Variants in MAGI2 observed in about 807,000 individuals in gnomAD.
MAGI2 encodes the protein membrane-associated guanylate kinase, WW and PDZ domain-containing protein 2.
A neutral mutation model predicts 133.3 loss-of-function variants in MAGI2; 35 were observed. The observed-to-expected ratio is 0.26, with a 90% CI of 0.20 to 0.35. The LOEUF is 0.35. Ranked by LOEUF, MAGI2 falls within the 10% of genes least tolerant of loss-of-function variation. The pLI is 1.00. For synonymous variants in MAGI2, 729 were observed against 710.6 expected, an observed-to-expected ratio of 1.03 and a Z score of -0.41; for missense variants, 1,636 against 1,863.4, an observed-to-expected ratio of 0.88 and a Z score of 2.25.
At chr7:79,274,833 T>C (rs1441733042) in intron 1 of MAGI2, among the ~76,000 whole-genome samples, 2 of 152,138 alleles carry the variant, frequency 1.3e-5, no homozygotes, top group Non-Finnish European at 1.5e-5. Flanking sequence ...TTCAAACTTT[T>C]TTGTTATTAT....
At chr7:78,225,944 A>G (rs1440882299) in intron 10 of MAGI2, among the ~76,000 whole-genome samples, 1 of 152,216 alleles carries the variant, frequency 6.6e-6, no homozygotes, top group African/African-American at 2.4e-5. Context: ...CATGATAGAT[A>G]AGTCTAAGAC....
chr7:78,882,095 A>AAAAAAAAAAAAAAAAAAAAAAAAAAAAAG (rs1795908006), intron 2 of MAGI2, among the ~76,000 whole-genome samples: 1 of 123,120 alleles, frequency 8.1e-6, no homozygotes, highest in African/African-American at 2.8e-5. Flanking sequence ...ACAAAAAAAA[A>AAAAAAAAAAAAAAAAAAAAAAAAAAAAAG]AAAAAAAAAA....
chr7:79,381,376 TGCTATAGG>T (rs1843766033), intron 1 of MAGI2, among the ~76,000 whole-genome samples: 1 of 151,790 alleles, frequency 6.6e-6, no homozygotes, highest in South Asian at 2.1e-4. Context: ...TCAGTTCATA[TGCTATAGG>T]TTTTGCTATA....
intron 1 of MAGI2, among the ~76,000 whole-genome samples, chr7:79,297,209 T>C (rs900632285): frequency 6.6e-6 from 1 of 152,234 alleles, no homozygotes; most frequent in African/African-American, 2.4e-5. Flanking sequence ...AATTGAAAGA[T>C]GCATCCCAAT....
At chr7:78,826,293 G>A (rs966661112) in intron 2 of MAGI2, among the ~76,000 whole-genome samples, 10 of 149,506 alleles carry the variant, frequency 6.7e-5, no homozygotes, top group African/African-American at 2.2e-4. Flanking sequence ...GGCGGAGCTT[G>A]CAGTAAGCCG....
chr7:78,161,248 G>T (rs1018055240), intron 15 of MAGI2, among the ~76,000 whole-genome samples: 1 of 152,158 alleles, frequency 6.6e-6, no homozygotes, highest in Non-Finnish European at 1.5e-5. Context: ...GCAGCCAAAA[G>T]AAGCTAGTTT....
intron 6 of MAGI2, among the ~76,000 whole-genome samples, chr7:78,444,336 T>C (rs114981109): frequency 0.019 from 2,950 of 152,160 alleles, 92 homozygotes; most frequent in African/African-American, 0.067. Context: ...GAAAAAAGAC[T>C]TCCAATCTTA....
chr7:78,415,354 T>C (rs914819600), intron 6 of MAGI2, among the ~76,000 whole-genome samples: 7 of 151,956 alleles, frequency 4.6e-5, no homozygotes, highest in Non-Finnish European at 2.9e-5. Context: ...GTCTCCAAAA[T>C]TGGGTAGTGT....
chr7:78,665,321 A>T lies in MAGI2; in HGVS notation c.419-38082T>A, dbSNP rs1295529788. ...ATATGGAATGTGTTACAAATAGCTA[A>T]CATATACATATAGGATAGTTACTCT... On this transcript the variant is annotated intron_variant, in intron 2 of 21. Transcript: ENST00000354212. Among the ~76,000 whole-genome samples, 5 of 152,324 alleles carry T rather than the reference A, an allele frequency of 3.3e-5. No individual in the cohort carries two copies. In the East Asian group the frequency reaches 9.6e-4, roughly 29 times the overall value.
chr7:78,909,720 G>T (rs1798265967), intron 2 of MAGI2, among the ~76,000 whole-genome samples: 1 of 151,738 alleles, frequency 6.6e-6, no homozygotes, highest in Non-Finnish European at 1.5e-5. Context: ...CATTGTGGAA[G>T]ACAGTGTGAT....
At chr7:79,294,760 C>T (rs1452868977) in intron 1 of MAGI2, among the ~76,000 whole-genome samples, 6 of 110,564 alleles carry the variant, frequency 5.4e-5, no homozygotes, top group African/African-American at 2.0e-4. Flanking sequence ...GACGGAATCT[C>T]ACTCTGTTAC....
chr7:78,144,382 C>A lies in MAGI2; in HGVS notation c.2846-9176G>T, dbSNP rs117172721. Among the ~76,000 whole-genome samples, 315 of 152,296 alleles carry A rather than the reference C, an allele frequency of 2.1e-3. 1 individual carries two copies. Among genetic ancestry groups the A allele is most frequent in the Non-Finnish European group, 3.5e-3 (239 of 68,004 alleles). On this transcript the variant is annotated intron_variant, in intron 16 of 21. Transcript: ENST00000354212. ...TTATTCTGATAGAGGATTTAGCACT[C>A]TTCCTCTGCATCCCACCTGCTCTCC...
At chr7:78,430,134 A>G (rs1799652965) in intron 6 of MAGI2, among the ~76,000 whole-genome samples, 1 of 151,384 alleles carries the variant, frequency 6.6e-6, no homozygotes, top group Non-Finnish European at 1.5e-5. Flanking sequence ...GTGAGGCCTG[A>G]GATTCTGCAT....
At chr7:79,406,404 T>C (rs1244990242) in intron 1 of MAGI2, among the ~76,000 whole-genome samples, 2 of 152,132 alleles carry the variant, frequency 1.3e-5, no homozygotes, top group Admixed American at 6.6e-5. Context: ...TGTAGTTCTT[T>C]CTTAACTATA....
intron 1 of MAGI2, among the ~76,000 whole-genome samples, chr7:79,288,313 T>C (rs1457163833): frequency 2.6e-5 from 4 of 152,190 alleles, no homozygotes; most frequent in Non-Finnish European, 4.4e-5. Context: ...AGATAGTCTC[T>C]ATAAAACATA....
At chr7:79,014,990 A>G (rs1296338905) in intron 1 of MAGI2, among the ~76,000 whole-genome samples, 1 of 152,232 alleles carries the variant, frequency 6.6e-6, no homozygotes, top group African/African-American at 2.4e-5. Flanking sequence ...GCAAAAGAAA[A>G]TGCTCATACT....
At chr7:78,124,640 G>A (rs1173706618) in intron 20 of MAGI2, among the ~76,000 whole-genome samples, 2 of 152,062 alleles carry the variant, frequency 1.3e-5, no homozygotes, top group African/African-American at 4.8e-5. Flanking sequence ...AAAGAGGCAG[G>A]AGGGAGGGCA....
At chr7:78,047,911 T>A (rs1584939244) in intron 21 of MAGI2, among the ~76,000 whole-genome samples, 2 of 152,212 alleles carry the variant, frequency 1.3e-5, no homozygotes, top group African/African-American at 4.8e-5. Flanking sequence ...CCAGCTCAGC[T>A]CAGATGCCGC....
intron 1 of MAGI2, among the ~76,000 whole-genome samples, chr7:79,198,266 AAAC>A (rs145489225): frequency 6.7e-4 from 101 of 151,334 alleles, no homozygotes; most frequent in Non-Finnish European, 1.2e-3. Flanking sequence ...ACAAACAAAC[AAAC>A]AACAACAACA....
Sources: allele counts gnomAD v4.1 joint callset (sites outside exome capture counted in the v4.1 genomes callset), GRCh38; gene constraint gnomAD v4.1.1; transcripts MANE v1.5; gene names NCBI Gene and HGNC (gene_info 2026-07-23, HGNC 2026-07-21).